The following HOOK1 variants were observed in gnomAD, a reference collection of about 807,000 sequenced individuals.
The protein encoded by HOOK1 is protein Hook homolog 1.
In HOOK1, 60 loss-of-function variants were observed where a neutral mutation model predicts 112.8. That is an observed-to-expected ratio of 0.53 (90% CI 0.43 to 0.66). The LOEUF (loss-of-function observed/expected upper bound fraction) is 0.66. Among genes scored for constraint, HOOK1 ranks in the 30% least tolerant of loss-of-function variants. The pLI is 0.00. For missense variants in HOOK1, 770 were observed against 856.0 expected (o/e 0.90, Z 1.25); for synonymous variants, 294 against 283.8 (o/e 1.04, Z -0.36).
chr1:59,834,520 C>T, intron 5 of HOOK1, among the ~76,000 whole-genome samples: 1 of 152,042 alleles, frequency 6.6e-6, no homozygotes, highest in East Asian at 1.9e-4. Flanking sequence ...TTTTATTTCT[C>T]ACTTATAAAT....
chr1:59,815,162 C>G lies in HOOK1; in HGVS notation c.45C>G (p.Cys15Trp). 1 of 1,543,840 alleles carries G rather than the reference C, an allele frequency of 6.5e-7. No homozygotes were observed. The highest frequency in any genetic ancestry group is 8.7e-7 in the Non-Finnish European group (1 of 1,146,546). The part of the protein sequence containing the change: ...QPPPQPKLPL[C>W]DSLMIWLQTF... The stretch of plus-strand genomic sequence containing the variant: ...CGCCGCAGCCTAAGCTGCCCCTGTG[C>G]GACAGCCTCATGATCTGGGTGAGTG... Residue 15 changes from cysteine to tryptophan, a missense_variant, in exon 1 of 22, where the codon TGC (cysteine) becomes TGG (tryptophan). By Grantham distance (215) the Cys-to-Trp change is radical (BLOSUM62 -2). Around this residue, in one of 3 missense-constraint regions of HOOK1, gnomAD observed 655 missense variants for 725.9 expected, o/e 0.90. Transcript: ENST00000371208.
intron 10 of HOOK1, 38 bp from the exon 11 acceptor site, chr1:59,848,277 A>G (rs1278787555): frequency 1.4e-6 from 2 of 1,414,604 alleles, no homozygotes; most frequent in South Asian, 2.4e-5. Context: ...AGTATATACT[A>G]GTTTTTGTAC....
intron 6 of HOOK1, among the ~76,000 whole-genome samples, chr1:59,836,370 TC>T (rs1366479228): frequency 6.6e-6 from 1 of 152,210 alleles, no homozygotes; most frequent in Admixed American, 6.5e-5. Flanking sequence ...TAGTCTGTAC[TC>T]CCTGAGTTTG....
In HOOK1 at chr1:59,872,799, T is replaced by C; in HGVS notation, c.2021T>C (p.Leu674Pro). The C allele has an allele frequency of 7.0e-7, 1 of 1,420,862 alleles. No individual in the cohort carries two copies. Among genetic ancestry groups the C allele is most frequent in the Non-Finnish European group, 9.3e-7 (1 of 1,074,620 alleles). The allele number at this position is 1,420,862 out of a possible 1,614,324, so 88.0% of individuals were successfully genotyped here. Residue 674 changes from leucine (L) to proline (P), a missense_variant, in exon 22 of 22, where the codon CTA becomes CCA. Coordinates refer to ENST00000371208, the MANE Select transcript of HOOK1 (RefSeq NM_015888.6). ...ATATATGTTTTTTTTTTTCAGAGTCTAGCATTCCAGAAACTGGGGATGGAA... is the reference window on the plus strand; with the variant it reads ...ATATATGTTTTTTTTTTTCAGAGTCCAGCATTCCAGAAACTGGGGATGGAA... ...LIVSAWYNKS[L>P]AFQKLGMESR...
In HOOK1 at chr1:59,865,162, G is replaced by C. The variant is rs910464038; in HGVS notation, c.1662-1G>C. ...GTCTCCATGCTTTTTCTACCACTTAGGGAAAAACTCACAGAGGTCCATGAA... is the reference window on the plus strand; with the variant it reads ...GTCTCCATGCTTTTTCTACCACTTACGGAAAAACTCACAGAGGTCCATGAA... On this transcript the variant is annotated splice_acceptor_variant, in intron 17 of 21. Coordinates refer to ENST00000371208, the MANE Select transcript of HOOK1 (RefSeq NM_015888.6). LOFTEE classifies it high-confidence loss of function. 6.3e-7 allele frequency: 1 copy of C among 1,588,894 alleles called. No individual in the cohort carries two copies. The highest frequency in any genetic ancestry group is 8.6e-7 in the Non-Finnish European group (1 of 1,157,372).
In HOOK1 at chr1:59,873,725, CTATATATATATATATATATATATA is replaced by C. The variant is rs58867974; in HGVS notation, c.*777_*800del. 4.3e-4 allele frequency: 24 copies of C among 56,224 alleles called. No homozygotes were observed. Among genetic ancestry groups the C allele is most frequent in the African/African-American group, 6.7e-4 (10 of 14,822 alleles). The allele number at this position is 56,224 out of a possible 1,614,324, so 3.5% of individuals were successfully genotyped here. On this transcript the variant is annotated 3_prime_UTR_variant, in exon 22 of 22. Transcript: ENST00000371208. ...AGGTGACTTTCTGATGGAAAGCAAGCTATATATATATATATATATATATATATATATATATATATACTTTTTGTG... is the reference window on the plus strand; with the variant it reads ...AGGTGACTTTCTGATGGAAAGCAAGCTATATATATATATATACTTTTTGTG...
At chr1:59,822,285 G>T (rs2102004964) in intron 2 of HOOK1, among the ~76,000 whole-genome samples, 1 of 152,242 alleles carries the variant, frequency 6.6e-6, no homozygotes, top group Admixed American at 6.5e-5. Context: ...TTCTTTGGTT[G>T]TACTGTTGTC....
intron 6 of HOOK1, among the ~76,000 whole-genome samples, chr1:59,836,136 C>A (rs2098397487): frequency 6.6e-6 from 1 of 151,824 alleles, no homozygotes; most frequent in Admixed American, 6.6e-5. Flanking sequence ...AATGTTAGAT[C>A]TGTGAGCAAA....
intron 8 of HOOK1, among the ~76,000 whole-genome samples, chr1:59,841,568 T>A (rs1375808162): frequency 1.3e-5 from 2 of 152,140 alleles, no homozygotes; most frequent in African/African-American, 2.4e-5. Context: ...TCTGTTCTCC[T>A]TCGCACCTTT....
At chr1:59,861,590 C>T (rs1287134464) in intron 15 of HOOK1, among the ~76,000 whole-genome samples, 1 of 152,088 alleles carries the variant, frequency 6.6e-6, no homozygotes, top group Non-Finnish European at 1.5e-5. Context: ...CATGTAGTAA[C>T]CAATAGCTCT....
At chr1:59,863,636 A>C (rs562312439) in intron 16 of HOOK1, among the ~76,000 whole-genome samples, 7 of 152,216 alleles carry the variant, frequency 4.6e-5, no homozygotes, top group Non-Finnish European at 8.8e-5. Flanking sequence ...AGGACTAGAT[A>C]TGTGTTAGGG....
intron 2 of HOOK1, among the ~76,000 whole-genome samples, chr1:59,824,444 G>A (rs910525599): frequency 6.6e-6 from 1 of 152,144 alleles, no homozygotes; most frequent in Non-Finnish European, 1.5e-5. Context: ...CTGACCTCAT[G>A]ATCCGCCCAC....
chr1:59,875,282 G>T lies in HOOK1; in HGVS notation c.*2317G>T, dbSNP rs79383301. 348 of 152,612 alleles carry T rather than the reference G, an allele frequency of 2.3e-3. No homozygotes were observed. Among genetic ancestry groups the T allele is most frequent in the Non-Finnish European group, 3.9e-3 (263 of 67,974 alleles). The allele number at this position is 152,612 out of a possible 1,614,324, so 9.5% of individuals were successfully genotyped here. Reference sequence around the variant, plus strand: ...ATTTCTGAATAAGGACATAAGGCTAGATTCATTTTTCTTAATAGAGAAAAA... The same window carrying T: ...ATTTCTGAATAAGGACATAAGGCTATATTCATTTTTCTTAATAGAGAAAAA... On this transcript the variant is annotated 3_prime_UTR_variant, in exon 22 of 22. Transcript: ENST00000371208.
intron 12 of HOOK1, among the ~76,000 whole-genome samples, chr1:59,852,704 T>C (rs1324722095): frequency 2.0e-5 from 3 of 151,670 alleles, no homozygotes; most frequent in African/African-American, 7.2e-5. Flanking sequence ...GTATATAAGT[T>C]TTTTTTTCCT....
chr1:59,833,315 AT>A, intron 4 of HOOK1, 89 bp from the exon 5 acceptor site: 3 of 955,940 alleles, frequency 3.1e-6, no homozygotes, highest in Non-Finnish European at 4.3e-6. Context: ...TGTTTCGTGA[AT>A]TTATAATTTA....
intron 9 of HOOK1, among the ~76,000 whole-genome samples, chr1:59,844,786 A>T (rs2098402785): frequency 6.6e-6 from 1 of 151,796 alleles, no homozygotes; most frequent in African/African-American, 2.4e-5. Context: ...TCTTTTGTTA[A>T]TTTTTTACCC....
intron 15 of HOOK1, 122 bp downstream of exon 15, chr1:59,860,450 T>C: frequency 1.2e-6 from 1 of 869,136 alleles, no homozygotes; most frequent in Non-Finnish European, 1.7e-6. Context: ...AGAAATAGTT[T>C]AATATTTTTG....
chr1:59,831,737 T>G (rs1316645460), intron 3 of HOOK1, among the ~76,000 whole-genome samples: 1 of 152,230 alleles, frequency 6.6e-6, no homozygotes, highest in Admixed American at 6.5e-5. Flanking sequence ...TGTACTAGTG[T>G]AGGGCCCATT....
rs200242495 is a variant in HOOK1 at position 59,840,415 on chromosome 1, A to G, written c.621+24A>G. ...AGGTACGGGAAAAAACCCTGAGCTG[A>G]GAAAAACTTCCTCTTTAAGTTTACA... On this transcript the variant is annotated intron_variant, in intron 8 of 21. Coordinates refer to ENST00000371208, the MANE Select transcript of HOOK1 (RefSeq NM_015888.6). The G allele has an allele frequency of 2.3e-5, 34 of 1,455,590 alleles. No individual in the cohort carries two copies. The East Asian group carries it at 8.2e-4, about 35-fold the overall frequency. The allele number at this position is 1,455,590 out of a possible 1,614,324, so 90.2% of individuals were successfully genotyped here.
Sources: gnomAD v4.1 joint callset for allele counts (sites outside exome capture counted in the v4.1 genomes callset) on GRCh38, gnomAD v4.1.1 for gene constraint, gnomAD v4.1.1 regional missense constraint, MANE v1.5 for transcripts, NCBI Gene and HGNC (gene_info 2026-07-23, HGNC 2026-07-21) for gene names.